Variants in TAF4 observed in about 807,000 individuals in gnomAD.
TAF4 encodes TATA-box binding protein associated factor 4.
A neutral mutation model predicts 90.3 loss-of-function variants in TAF4; 9 were observed. The observed-to-expected ratio is 0.10, with a 90% CI of 0.06 to 0.17. The LOEUF (loss-of-function observed/expected upper bound fraction) is 0.17. Among genes scored for constraint, TAF4 ranks in the 10% least tolerant of loss-of-function variants. The pLI is 1.00. For synonymous variants in TAF4, 818 were observed against 638.9 expected (o/e 1.28, Z -4.23); for missense variants, 1,351 against 1,370.7 (o/e 0.99, Z 0.23).
chr20:62,025,370 A>G (rs6061958), intron 1 of TAF4, among the ~76,000 whole-genome samples: 36,642 of 152,156 alleles, frequency 0.24, 6,281 homozygotes, highest in East Asian at 0.47. Context: ...GATACAGCAC[A>G]GATGACTCTC....
At chr20:62,023,771 G>GA (rs1466895405) in intron 1 of TAF4, among the ~76,000 whole-genome samples, 1 of 96,822 alleles carries the variant, frequency 1.0e-5, no homozygotes, top group Non-Finnish European at 2.0e-5. Flanking sequence ...AAAAAAAAAA[G>GA]AAAGAAAGAA....
chr20:62,044,147 ATTTT>A (rs1030158017), intron 1 of TAF4, among the ~76,000 whole-genome samples: 1 of 152,122 alleles, frequency 6.6e-6, no homozygotes, highest in African/African-American at 2.4e-5. Context: ...TTCCAAAATT[ATTTT>A]TTTTAAGTTT....
chr20:62,007,850 G>A (rs549996228), intron 5 of TAF4: 9 of 478,950 alleles, frequency 1.9e-5, no homozygotes, highest in South Asian at 7.5e-5. Context: ...TGCGGACCAC[G>A]TCTCCTCCTG....
intron 14 of TAF4, chr20:61,978,794 G>A (rs1310107873): frequency 1.3e-5 from 2 of 153,680 alleles, no homozygotes; most frequent in Non-Finnish European, 2.9e-5. Flanking sequence ...AGAAACTGAT[G>A]CCAGGCCCTG....
chr20:62,003,913 T>C, intron 7 of TAF4, 35 bp from the exon 8 acceptor site: 1 of 1,513,748 alleles, frequency 6.6e-7, no homozygotes, highest in Non-Finnish European at 8.8e-7. Context: ...GTGAGCATGC[T>C]CCCCGAGGGC....
intron 14 of TAF4, among the ~76,000 whole-genome samples, chr20:61,976,899 C>G (rs1490088095): frequency 6.6e-6 from 1 of 152,178 alleles, no homozygotes; most frequent in African/African-American, 2.4e-5. Context: ...CTCCGTCAGC[C>G]CCTACAGGTG....
chr20:62,023,747 C>CAA (rs59813943), intron 1 of TAF4, among the ~76,000 whole-genome samples: 87 of 59,444 alleles, frequency 1.5e-3, no homozygotes, highest in Admixed American at 3.0e-3. Flanking sequence ...GACTCCATCT[C>CAA]AAAAAAAAAA....
rs567055637 is a variant in TAF4, at chr20:62,023,110, C to T, written c.1361-8403G>A. ...TGACAAGGTGATTCTGAAATTCATA[C>T]AGAAATGCAAAAGTCTTAGATTAAC... On this transcript the variant is annotated intron_variant, in intron 1 of 14. Transcript: ENST00000252996. Among the ~76,000 whole-genome samples, 19 of 152,278 alleles carry T rather than the reference C, an allele frequency of 1.2e-4. No homozygotes were observed. In the South Asian group the frequency reaches 3.5e-3, roughly 28 times the overall value.
chr20:61,978,495 G>A (rs2055510699), intron 14 of TAF4, among the ~76,000 whole-genome samples: 2 of 150,230 alleles, frequency 1.3e-5, no homozygotes, highest in African/African-American at 2.5e-5. Flanking sequence ...CCAAGGGAGG[G>A]CGCGACACCA....
In TAF4 at chr20:61,997,533, C is replaced by T. The variant is rs767823655; in HGVS notation, c.3090+17G>A. 1.9e-6 allele frequency: 3 copies of T among 1,564,448 alleles called. No homozygotes were observed. The South Asian group carries it at 3.6e-5, about 19-fold the overall frequency. ...CCATGTTTCCCCCAGGACCTCGATC[C>T]CACAACACTGCCGTACCTCTGCTCC... is the stretch of plus-strand genomic sequence containing the variant. On this transcript the variant is annotated intron_variant, in intron 14 of 14. Transcript: ENST00000252996.
At chr20:62,031,459 C>G (rs1470663613) in intron 1 of TAF4, among the ~76,000 whole-genome samples, 2 of 152,238 alleles carry the variant, frequency 1.3e-5, no homozygotes, top group Non-Finnish European at 2.9e-5. Context: ...CCTGCACTAA[C>G]AGAGAGCCTT....
Position 62,006,748 on chromosome 20 carries a change from G to A in TAF4, c.1985C>T (p.Pro662Leu), listed in dbSNP as rs1436253281. Reference protein sequence around the residue: ...YLVPFLKRSLPALRQLTPDSA... With the variant: ...YLVPFLKRSLLALRQLTPDSA... ...GTCGGGGGTCAGCTGTCTCAAGGCG[G>A]GTAAGCTCCTCTGGGTGGAAAGACA... Residue 662 changes from proline (P) to leucine (L), a missense_variant, in exon 7 of 15, where the codon CCC becomes CTC. Pro to Leu is a moderately conservative substitution (Grantham distance 98). This residue lies in a region of TAF4 where 202 missense variants were observed against 229.7 expected (regional missense o/e 0.88). Transcript: ENST00000252996. The surrounding 1 kb of genome is among the most constrained non-coding windows in gnomAD (Gnocchi z 7.0). 6.6e-7 allele frequency: 1 copy of A among 1,522,420 alleles called. No individual in the cohort carries two copies. The highest frequency in any genetic ancestry group is 8.9e-7 in the Non-Finnish European group (1 of 1,126,564). The allele number at this position is 1,522,420 out of a possible 1,614,324, so 94.3% of individuals were successfully genotyped here.
chr20:62,031,274 G>A (rs969991051), intron 1 of TAF4, among the ~76,000 whole-genome samples: 2 of 152,142 alleles, frequency 1.3e-5, no homozygotes, highest in Admixed American at 1.3e-4. Context: ...CCAAGCCCTC[G>A]TCCTCCAGGC....
rs1054881113 is a variant in TAF4 at position 61,975,030 on chromosome 20, T to C, written c.*1138A>G. Reference sequence around the variant, plus strand: ...TGATCAGCGTTCAGTTCACACGCGCTCGAATTAAAGTCTAATGTGAGAATT... The same window carrying C: ...TGATCAGCGTTCAGTTCACACGCGCCCGAATTAAAGTCTAATGTGAGAATT... On this transcript the variant is annotated 3_prime_UTR_variant, in exon 15 of 15. Transcript: ENST00000252996. 1 of 152,404 alleles carries C rather than the reference T, an allele frequency of 6.6e-6. No homozygotes were observed. Among genetic ancestry groups the C allele is most frequent in the African/African-American group, 2.4e-5 (1 of 41,434 alleles). 9.4% of individuals were successfully genotyped at this position (152,404 alleles called of 1,614,324 possible). A position where few individuals can be genotyped will look rare whatever the true frequency, so the allele number is the denominator to read the frequency against.
At chr20:62,011,538 G>A (rs1208240576) in intron 3 of TAF4, among the ~76,000 whole-genome samples, 1 of 152,146 alleles carries the variant, frequency 6.6e-6, no homozygotes, top group Non-Finnish European at 1.5e-5. Context: ...AAACACCAAG[G>A]GCGGGGCCTG....
chr20:62,054,825 A>G (rs1054702917), intron 1 of TAF4, among the ~76,000 whole-genome samples: 1 of 151,952 alleles, frequency 6.6e-6, no homozygotes, highest in African/African-American at 2.4e-5. Flanking sequence ...AGCCAGCAAC[A>G]CCACGACTCC....
intron 1 of TAF4, among the ~76,000 whole-genome samples, chr20:62,041,693 G>A (rs780153032): frequency 5.9e-5 from 9 of 151,926 alleles, no homozygotes; most frequent in Non-Finnish European, 1.0e-4. Flanking sequence ...CACTTTGAGC[G>A]GGTGAGATGG....
At chr20:61,997,710 A>G (rs2055671999) in intron 13 of TAF4, 41 bp from the exon 14 acceptor site, 1 of 1,584,804 alleles carries the variant, frequency 6.3e-7, no homozygotes. Flanking sequence ...CATTTCTTGC[A>G]TGTTTTTTAC....
chr20:61,993,558 G>C (rs946930177), intron 14 of TAF4, among the ~76,000 whole-genome samples: 2 of 152,220 alleles, frequency 1.3e-5, no homozygotes, highest in Non-Finnish European at 2.9e-5. Flanking sequence ...AGTTTAATGG[G>C]AAAGGACGGC....
Sources: allele counts gnomAD v4.1 joint callset (sites outside exome capture counted in the v4.1 genomes callset), GRCh38; gene constraint gnomAD v4.1.1; regional missense constraint gnomAD v4.1.1; non-coding constraint Gnocchi (gnomAD v3.1); transcripts MANE v1.5; gene names NCBI Gene and HGNC (gene_info 2026-07-23, HGNC 2026-07-21).